MECOM: variants seen among roughly 807,000 people sequenced by gnomAD.
MECOM encodes the protein MDS1 and EVI1 complex locus, also known as histone-lysine N-methyltransferase MECOM.
A neutral mutation model predicts 116.3 loss-of-function variants in MECOM; 13 were observed. The ratio of observed to expected loss-of-function variants is 0.11; its 90% CI spans 0.07 to 0.18. The LOEUF is 0.18. Ranked by LOEUF, MECOM falls within the 10% of genes least tolerant of loss-of-function variation. The pLI is 1.00. For missense variants in MECOM, 1,299 were observed against 1,509.0 expected (o/e 0.86, Z 2.31); for synonymous variants, 528 against 535.2 (o/e 0.99, Z 0.19).
chr3:169,427,587 C>T (rs772298784), intron 1 of MECOM, among the ~76,000 whole-genome samples: 1 of 152,174 alleles, frequency 6.6e-6, no homozygotes, highest in Non-Finnish European at 1.5e-5. Context: ...TGTGGTGAAG[C>T]TAATGGAAAT....
intron 1 of MECOM, among the ~76,000 whole-genome samples, chr3:169,661,518 T>A (rs914851852): frequency 1.3e-5 from 2 of 152,146 alleles, no homozygotes; most frequent in Non-Finnish European, 2.9e-5. Context: ...ACAGATGGAC[T>A]GATGACCCAA....
chr3:169,622,442 C>A (rs1770864919), intron 1 of MECOM, among the ~76,000 whole-genome samples: 1 of 152,214 alleles, frequency 6.6e-6, no homozygotes, highest in African/African-American at 2.4e-5. Context: ...ACTAACATCA[C>A]TTCCAGCCAT....
intron 1 of MECOM, among the ~76,000 whole-genome samples, chr3:169,406,155 G>A (rs919137750): frequency 3.2e-4 from 48 of 152,236 alleles, no homozygotes; most frequent in African/African-American, 9.9e-4. Flanking sequence ...TTTTGAAATA[G>A]TTCATCCTGA....
intron 1 of MECOM, among the ~76,000 whole-genome samples, chr3:169,581,140 T>G (rs1218120969): frequency 6.6e-6 from 1 of 152,122 alleles, no homozygotes; most frequent in Non-Finnish European, 1.5e-5. Context: ...GAACAGGTCT[T>G]CAGAAAAGCA....
chr3:169,594,877 T>TG (rs1936086212), intron 1 of MECOM, among the ~76,000 whole-genome samples: 1 of 69,140 alleles, frequency 1.4e-5, no homozygotes, highest in South Asian at 6.7e-4. Flanking sequence ...TGGATCTAAC[T>TG]GAAAAAAAAA....
intron 2 of MECOM, among the ~76,000 whole-genome samples, chr3:169,255,964 C>T (rs916691365): frequency 2.6e-5 from 4 of 152,052 alleles, no homozygotes; most frequent in African/African-American, 9.7e-5. Context: ...TACTCTTTTC[C>T]TGCCTTTCTC....
chr3:169,563,359 A>T (rs1762873873), intron 1 of MECOM, among the ~76,000 whole-genome samples: 1 of 152,236 alleles, frequency 6.6e-6, no homozygotes, highest in Non-Finnish European at 1.5e-5. Flanking sequence ...ATCTCCAAAA[A>T]CTAAAGCAGC....
At chr3:169,212,829 T>C (rs1188020496) in intron 2 of MECOM, among the ~76,000 whole-genome samples, 1 of 151,356 alleles carries the variant, frequency 6.6e-6, no homozygotes, top group Non-Finnish European at 1.5e-5. Flanking sequence ...CTGCTTGCCT[T>C]GAGGTCTTCA....
At chr3:169,352,065 C>T (rs913473911) in intron 2 of MECOM, among the ~76,000 whole-genome samples, 3 of 151,846 alleles carry the variant, frequency 2.0e-5, no homozygotes, top group Admixed American at 6.6e-5. Flanking sequence ...AGGCCAACTA[C>T]AGAACTAAGT....
chr3:169,139,601 T>A (rs1344826626), intron 3 of MECOM, among the ~76,000 whole-genome samples: 3 of 152,138 alleles, frequency 2.0e-5, no homozygotes, highest in Admixed American at 6.6e-5. Context: ...GTAAATTGTG[T>A]CTTAGTGACT....
chr3:169,259,192 A>G (rs1487640541), intron 2 of MECOM, among the ~76,000 whole-genome samples: 1 of 148,950 alleles, frequency 6.7e-6, no homozygotes, highest in Non-Finnish European at 1.5e-5. Context: ...AAAGGGCCCA[A>G]TTTTTTTTTT....
At chr3:169,456,018 A>T (rs1477296507) in intron 1 of MECOM, among the ~76,000 whole-genome samples, 3 of 152,300 alleles carry the variant, frequency 2.0e-5, no homozygotes, top group East Asian at 3.9e-4. Context: ...CTTTTAAAAA[A>T]ATTATTTTAC....
rs1324756549 is a variant in MECOM at position 169,116,102 on chromosome 3, G to C, written c.1770C>G (p.Gly590=). Residue 590 remains glycine (G), a synonymous_variant, in exon 8 of 17, where the codon GGC becomes GGG. Coordinates refer to ENST00000651503, the MANE Select transcript of MECOM (RefSeq NM_004991.4). Reference sequence around the variant, plus strand: ...AGCCCGAGGTTGTTTCCAGGTCACTGCCACTTGGTGTACTGACATCATCAA... The same window carrying C: ...AGCCCGAGGTTGTTTCCAGGTCACTCCCACTTGGTGTACTGACATCATCAA... ...SDLDDVSTPS[G]SDLETTSGSD... 1 of 1,613,988 alleles carries C rather than the reference G, an allele frequency of 6.2e-7. No individual in the cohort carries two copies. The highest frequency in any genetic ancestry group is 1.7e-5 in the Admixed American group (1 of 59,992).
At chr3:169,311,724 C>G (rs1439556045) in intron 2 of MECOM, among the ~76,000 whole-genome samples, 1 of 151,696 alleles carries the variant, frequency 6.6e-6, no homozygotes, top group South Asian at 2.1e-4. Context: ...TTACCTTTCT[C>G]TAAATTTTTA....
chr3:169,610,827 C>T (rs1359008256), intron 1 of MECOM, among the ~76,000 whole-genome samples: 2 of 152,128 alleles, frequency 1.3e-5, no homozygotes, highest in Non-Finnish European at 2.9e-5. Context: ...CAGTCTTATT[C>T]ACAATATCCC....
At chr3:169,402,559 G>A (rs985147592) in intron 1 of MECOM, among the ~76,000 whole-genome samples, 5 of 152,186 alleles carry the variant, frequency 3.3e-5, no homozygotes, top group African/African-American at 1.2e-4. Flanking sequence ...AGGAAGCTGA[G>A]GCAGGAGAAT....
chr3:169,507,755 G>A (rs1392993072), intron 1 of MECOM, among the ~76,000 whole-genome samples: 2 of 140,632 alleles, frequency 1.4e-5, no homozygotes, highest in Non-Finnish European at 3.0e-5. Flanking sequence ...TCCGCCTCCC[G>A]GGTTCACGCC....
chr3:169,378,650 G>T, intron 2 of MECOM, among the ~76,000 whole-genome samples: 1 of 151,800 alleles, frequency 6.6e-6, no homozygotes, highest in Admixed American at 6.6e-5. Context: ...GGTTGATATG[G>T]GAGAGAAATG....
At chr3:169,485,982 ATAGT>A (rs1321273774) in intron 1 of MECOM, among the ~76,000 whole-genome samples, 6 of 115,118 alleles carry the variant, frequency 5.2e-5, no homozygotes, top group Non-Finnish European at 1.7e-5. Context: ...ACATATATAT[ATAGT>A]ATATATATGT....
Sources: gnomAD v4.1 joint callset for allele counts (sites outside exome capture counted in the v4.1 genomes callset) on GRCh38, gnomAD v4.1.1 for gene constraint, MANE v1.5 for transcripts, NCBI Gene and HGNC (gene_info 2026-07-23, HGNC 2026-07-21) for gene names.